Variants in DYNC1I1 observed in about 807,000 individuals in gnomAD.
DYNC1I1 encodes dynein cytoplasmic 1 intermediate chain 1, also known as cytoplasmic dynein 1 intermediate chain 1.
DYNC1I1 carries 43 observed loss-of-function variants against 86.6 expected under a neutral mutation model. The observed-to-expected ratio is 0.50, with a 90% CI of 0.39 to 0.64. The LOEUF (loss-of-function observed/expected upper bound fraction) is 0.64. Ranked by LOEUF, DYNC1I1 falls within the 30% of genes least tolerant of loss-of-function variation. DYNC1I1 has a pLI of 0.00. For synonymous variants in DYNC1I1, 262 were observed against 283.7 expected, an observed-to-expected ratio of 0.92 and a Z score of 0.77; for missense variants, 604 against 788.8, an observed-to-expected ratio of 0.77 and a Z score of 2.81.
At chr7:96,094,081 T>A (rs1394131936) in intron 16 of DYNC1I1, among the ~76,000 whole-genome samples, 2 of 152,134 alleles carry the variant, frequency 1.3e-5, no homozygotes, top group Non-Finnish European at 2.9e-5. Context: ...TTAATGTCAG[T>A]GAAGTTTTTT....
At chr7:95,828,263 A>C in intron 5 of DYNC1I1, 147 bp downstream of exon 5, 1 of 832,630 alleles carries the variant, frequency 1.2e-6, no homozygotes. Context: ...TTTTCCTTAT[A>C]AAGCTTTGAA....
At chr7:96,016,916 G>A (rs148443724) in intron 10 of DYNC1I1, among the ~76,000 whole-genome samples, 1 of 152,144 alleles carries the variant, frequency 6.6e-6, no homozygotes, top group Admixed American at 6.6e-5. Flanking sequence ...TAGAGAAGTC[G>A]TGTGGCTGAC....
At chr7:95,833,052 T>C (rs1788964192) in intron 5 of DYNC1I1, among the ~76,000 whole-genome samples, 1 of 149,426 alleles carries the variant, frequency 6.7e-6, no homozygotes, top group South Asian at 2.2e-4. Flanking sequence ...CCCATGCCTA[T>C]GTCCTGAATG....
intron 7 of DYNC1I1, among the ~76,000 whole-genome samples, chr7:95,979,872 T>A (rs1356723853): frequency 1.3e-5 from 2 of 151,510 alleles, no homozygotes; most frequent in South Asian, 2.1e-4. Flanking sequence ...AAACGTCTTT[T>A]AAAAAAAAAG....
At chr7:96,014,205 C>T (rs1027483158) in intron 10 of DYNC1I1, among the ~76,000 whole-genome samples, 2 of 152,188 alleles carry the variant, frequency 1.3e-5, no homozygotes, top group African/African-American at 4.8e-5. Context: ...GGGAAGATGG[C>T]CTGTTCTCTC....
At chr7:95,833,956 C>G (rs955916088) in intron 5 of DYNC1I1, among the ~76,000 whole-genome samples, 11 of 130,168 alleles carry the variant, frequency 8.5e-5, no homozygotes, top group African/African-American at 3.1e-4. Context: ...ATTGAATACC[C>G]TTTATTTCCT....
At chr7:96,029,594 A>G (rs1388746354) in intron 11 of DYNC1I1, among the ~76,000 whole-genome samples, 1 of 152,210 alleles carries the variant, frequency 6.6e-6, no homozygotes, top group Non-Finnish European at 1.5e-5. Context: ...TACTATTATT[A>G]TCAAACTTAC....
At chr7:95,843,528 G>T (rs769322978) in intron 5 of DYNC1I1, among the ~76,000 whole-genome samples, 3 of 152,112 alleles carry the variant, frequency 2.0e-5, no homozygotes, top group Non-Finnish European at 4.4e-5. Flanking sequence ...CCTGTAAGTT[G>T]TTTTATTCAG....
intron 6 of DYNC1I1, among the ~76,000 whole-genome samples, chr7:95,877,009 A>G (rs1327303847): frequency 6.6e-6 from 1 of 152,226 alleles, no homozygotes; most frequent in Non-Finnish European, 1.5e-5. Flanking sequence ...AAACAGGAAG[A>G]TTCTATGGTA....
chr7:96,074,059 A>C (rs1415589014), intron 14 of DYNC1I1, among the ~76,000 whole-genome samples: 2 of 152,254 alleles, frequency 1.3e-5, no homozygotes, highest in Admixed American at 1.3e-4. Context: ...ATACTTTGGC[A>C]TAAAAGAATT....
At chr7:95,832,891 C>T (rs539980233) in intron 5 of DYNC1I1, among the ~76,000 whole-genome samples, 5 of 151,942 alleles carry the variant, frequency 3.3e-5, no homozygotes, top group Non-Finnish European at 5.9e-5. Flanking sequence ...ATGAGTGGGT[C>T]GTGAAAATTT....
At chr7:95,779,781 T>C (rs1348330856) in intron 1 of DYNC1I1, among the ~76,000 whole-genome samples, 1 of 152,216 alleles carries the variant, frequency 6.6e-6, no homozygotes, top group Non-Finnish European at 1.5e-5. Flanking sequence ...TTTTTCCCCT[T>C]GGAGCATTTT....
chr7:96,085,258 G>T (rs148338032), intron 16 of DYNC1I1, among the ~76,000 whole-genome samples: 32 of 152,310 alleles, frequency 2.1e-4, no homozygotes, highest in African/African-American at 6.7e-4. Flanking sequence ...GAGCACAGTG[G>T]CTTGAATCCA....
In DYNC1I1 at chr7:95,917,493, A is replaced by G. The variant is rs1180827953; in HGVS notation, c.490+47495A>G. Among the ~76,000 whole-genome samples, 9 of 152,248 alleles carry G rather than the reference A, an allele frequency of 5.9e-5. No homozygotes were observed. In the South Asian group the frequency reaches 1.7e-3, roughly 28 times the overall value. On this transcript the variant is annotated intron_variant, in intron 6 of 16. Transcript: ENST00000447467. ...CGAGTACCCTTCCAAAGAAAATGCTATGCTTAAGCACCTCCTCCTGAGACA... is the reference window on the plus strand; with the variant it reads ...CGAGTACCCTTCCAAAGAAAATGCTGTGCTTAAGCACCTCCTCCTGAGACA...
At position 95,793,824 on chromosome 7, in the gene DYNC1I1, C is replaced by G. The variant is rs1733976; in HGVS notation, c.-9-10897C>G. Among the ~76,000 whole-genome samples, 4 of 152,270 alleles carry G rather than the reference C, an allele frequency of 2.6e-5. 1 individual carries two copies. Among genetic ancestry groups the G allele is most frequent in the Admixed American group, 2.6e-4 (4 of 15,290 alleles). ...GTAACAGGCAATGTTTACTCAGTGC[C>G]TACTATGTGCCCAATGTGATGCTGA... On this transcript the variant is annotated intron_variant, in intron 1 of 16. Coordinates refer to ENST00000447467, the MANE Select transcript of DYNC1I1 (RefSeq NM_001135556.2).
At chr7:95,982,919 T>C (rs1793491728) in intron 7 of DYNC1I1, among the ~76,000 whole-genome samples, 2 of 152,218 alleles carry the variant, frequency 1.3e-5, no homozygotes. Flanking sequence ...AGCAGACTAG[T>C]AAATTGCTAC....
intron 10 of DYNC1I1, among the ~76,000 whole-genome samples, chr7:95,997,750 C>T (rs1793906416): frequency 6.6e-6 from 1 of 151,398 alleles, no homozygotes; most frequent in South Asian, 2.1e-4. Flanking sequence ...CAAGAGGTAC[C>T]CTAAATATAG....
chr7:95,816,584 C>A (rs757234559), intron 4 of DYNC1I1, among the ~76,000 whole-genome samples: 3 of 152,064 alleles, frequency 2.0e-5, no homozygotes, highest in Non-Finnish European at 4.4e-5. Flanking sequence ...GCAAGCAACA[C>A]GCTCTTGGAT....
At chr7:95,959,391 C>T (rs1792803113) in intron 6 of DYNC1I1, among the ~76,000 whole-genome samples, 1 of 152,106 alleles carries the variant, frequency 6.6e-6, no homozygotes, top group African/African-American at 2.4e-5. Context: ...TTGACAAAGA[C>T]CTAAATCAAG....
Sources: allele counts gnomAD v4.1 joint callset (sites outside exome capture counted in the v4.1 genomes callset), GRCh38; gene constraint gnomAD v4.1.1; transcripts MANE v1.5; gene names NCBI Gene and HGNC (gene_info 2026-07-23, HGNC 2026-07-21).